NUMB: variants seen among roughly 807,000 people sequenced by gnomAD.
NUMB encodes NUMB endocytic adaptor protein, also known as protein numb homolog.
In NUMB, 29 loss-of-function variants were observed where a neutral mutation model predicts 59.7. The observed-to-expected ratio is 0.49, with a 90% CI of 0.36 to 0.66. NUMB has a LOEUF of 0.66. Ranked by LOEUF, NUMB falls within the 30% of genes least tolerant of loss-of-function variation. NUMB has a pLI of 0.00. For missense variants in NUMB, 723 were observed against 822.0 expected (o/e 0.88, Z 1.47); for synonymous variants, 288 against 288.2 (o/e 1.00, Z 0.01).
chr14:73,454,301 C>T (rs1884201454), intron 1 of NUMB, among the ~76,000 whole-genome samples: 1 of 152,080 alleles, frequency 6.6e-6, no homozygotes, highest in Non-Finnish European at 1.5e-5. Flanking sequence ...CTGTTACACA[C>T]AACAGATGTG....
At chr14:73,419,286 G>A (rs547569385) in intron 1 of NUMB, among the ~76,000 whole-genome samples, 10 of 152,236 alleles carry the variant, frequency 6.6e-5, no homozygotes, top group Non-Finnish European at 8.8e-5. Context: ...CGAGGCGGGC[G>A]GATCACAAGA....
chr14:73,288,911 G>C (rs1245073978), intron 8 of NUMB, among the ~76,000 whole-genome samples: 1 of 151,914 alleles, frequency 6.6e-6, no homozygotes, highest in Non-Finnish European at 1.5e-5. Flanking sequence ...GTCGAGTGTG[G>C]TGGTGGTGTG....
intron 2 of NUMB, among the ~76,000 whole-genome samples, chr14:73,369,808 T>C (rs1336309174): frequency 1.3e-5 from 2 of 151,900 alleles, no homozygotes; most frequent in African/African-American, 4.8e-5. Flanking sequence ...AAGAAACACA[T>C]ATAATTAGAA....
chr14:73,287,106 G>A lies in NUMB; in HGVS notation c.655+4C>T, dbSNP rs1566726843. ...ATAAATACACACTGTAGAACAGATTGTACCTTTCTTGGCATCTTGCATTTG... is the reference window on the plus strand; with the variant it reads ...ATAAATACACACTGTAGAACAGATTATACCTTTCTTGGCATCTTGCATTTG... On this transcript the variant is annotated splice_donor_region_variant and intron_variant, in intron 9 of 12. Transcript: ENST00000555238. 1 of 1,613,074 alleles carries A rather than the reference G, an allele frequency of 6.2e-7. No homozygotes were observed. The highest frequency in any genetic ancestry group is 8.5e-7 in the Non-Finnish European group (1 of 1,179,156).
intron 8 of NUMB, among the ~76,000 whole-genome samples, chr14:73,288,548 T>C (rs1889168101): frequency 6.8e-6 from 1 of 147,846 alleles, no homozygotes; most frequent in Non-Finnish European, 1.5e-5. Context: ...CAAAACTCCG[T>C]CTCAAAAAAT....
chr14:73,408,133 A>G (rs1488108309), intron 2 of NUMB, among the ~76,000 whole-genome samples: 1 of 152,132 alleles, frequency 6.6e-6, no homozygotes, highest in Admixed American at 6.6e-5. Flanking sequence ...AGGCTGAGGC[A>G]GGAGAATGGC....
chr14:73,303,203 G>C (rs1404785800), intron 6 of NUMB, among the ~76,000 whole-genome samples: 1 of 152,090 alleles, frequency 6.6e-6, no homozygotes, highest in Admixed American at 6.5e-5. Flanking sequence ...GGGCAACAGA[G>C]TGAGACTCCA....
chr14:73,346,379 C>T (rs1225442110), intron 4 of NUMB, among the ~76,000 whole-genome samples: 1 of 151,542 alleles, frequency 6.6e-6, no homozygotes, highest in Admixed American at 6.6e-5. Context: ...ACTCGGGAGG[C>T]TGAGGCAGGA....
At chr14:73,407,844 A>G (rs1482036150) in intron 2 of NUMB, among the ~76,000 whole-genome samples, 1 of 152,256 alleles carries the variant, frequency 6.6e-6, no homozygotes, top group Non-Finnish European at 1.5e-5. Context: ...AGAATTACCT[A>G]TATTCAAACC....
In NUMB at chr14:73,400,053, AAAAAAAC is replaced by A. The variant is rs144590388; in HGVS notation, c.-101+9877_-101+9883del. Among the ~76,000 whole-genome samples the A allele has an allele frequency of 6.8e-3, 1,036 of 152,296 alleles. 5 individuals are homozygous for A. The highest frequency in any genetic ancestry group is 0.03 in the South Asian group (144 of 4,826). ...GACTCTGTCTCAAAAACAAAAACAAAAAAAAACAAAAAAGTAAAAATATATAAATGAA... is the reference window on the plus strand; with the variant it reads ...GACTCTGTCTCAAAAACAAAAACAAAAAAAAAGTAAAAATATATAAATGAA... On this transcript the variant is annotated intron_variant, in intron 2 of 12. Transcript: ENST00000555238.
intron 2 of NUMB, among the ~76,000 whole-genome samples, chr14:73,367,342 T>TAGAGAGAGAGAGAGAG (rs1350365792): frequency 1.7e-4 from 13 of 78,620 alleles, no homozygotes; most frequent in South Asian, 3.3e-4. Context: ...TATATATATA[T>TAGAGAGAGAGAGAGAG]ATATATAGAG....
At chr14:73,281,190 C>G (rs1342555616) in intron 11 of NUMB, among the ~76,000 whole-genome samples, 1 of 151,836 alleles carries the variant, frequency 6.6e-6, no homozygotes, top group Non-Finnish European at 1.5e-5. Flanking sequence ...TCAGGAGGAC[C>G]TGAGTTTAAA....
intron 4 of NUMB, among the ~76,000 whole-genome samples, chr14:73,325,128 C>A (rs1202569658): frequency 2.6e-5 from 4 of 152,160 alleles, no homozygotes; most frequent in Admixed American, 2.6e-4. Flanking sequence ...TCCTGACACA[C>A]AACTTTTTAT....
At chr14:73,365,130 C>T (rs1894279802) in intron 3 of NUMB, among the ~76,000 whole-genome samples, 1 of 152,150 alleles carries the variant, frequency 6.6e-6, no homozygotes, top group South Asian at 2.1e-4. Flanking sequence ...ACCTCCACCT[C>T]CCAGGTTCAA....
intron 2 of NUMB, among the ~76,000 whole-genome samples, chr14:73,398,785 G>A (rs1896270107): frequency 6.6e-6 from 1 of 152,042 alleles, no homozygotes; most frequent in Admixed American, 6.6e-5. Context: ...TTTACTACTG[G>A]TGGGAGCATA....
At chr14:73,350,054 T>C (rs1452892522) in intron 4 of NUMB, among the ~76,000 whole-genome samples, 4 of 122,638 alleles carry the variant, frequency 3.3e-5, no homozygotes, top group East Asian at 2.0e-4. Context: ...CATACATACA[T>C]ACATATATAC....
intron 10 of NUMB, among the ~76,000 whole-genome samples, chr14:73,283,823 GA>G (rs1045413772): frequency 2.0e-5 from 3 of 152,186 alleles, no homozygotes; most frequent in Admixed American, 1.3e-4. Flanking sequence ...CTTACATCAG[GA>G]CAAACCACAA....
chr14:73,342,870 G>A (rs911170817), intron 4 of NUMB, among the ~76,000 whole-genome samples: 1 of 152,136 alleles, frequency 6.6e-6, no homozygotes, highest in African/African-American at 2.4e-5. Context: ...TTTGAGACAG[G>A]TTCTTACTCT....
At chr14:73,348,141 G>A (rs76538041) in intron 4 of NUMB, among the ~76,000 whole-genome samples, 18,018 of 152,134 alleles carry the variant, frequency 0.12, 1,608 homozygotes, top group Non-Finnish European at 0.17. Flanking sequence ...GCAGAATGAG[G>A]CATCTTTTGC....
Sources: allele counts gnomAD v4.1 joint callset (sites outside exome capture counted in the v4.1 genomes callset), GRCh38; gene constraint gnomAD v4.1.1; transcripts MANE v1.5; gene names NCBI Gene and HGNC (gene_info 2026-07-23, HGNC 2026-07-21).